SMYD3: variants seen among roughly 807,000 people sequenced by gnomAD.
SMYD3 encodes the protein SET and MYND domain containing 3, also known as histone-lysine N-methyltransferase SMYD3.
A neutral mutation model predicts 57.7 loss-of-function variants in SMYD3; 36 were observed. The ratio of observed to expected loss-of-function variants is 0.62; its 90% confidence interval spans 0.48 to 0.82. The LOEUF (loss-of-function observed/expected upper bound fraction) is 0.82. Ranked by LOEUF, SMYD3 falls within the 40% of genes least tolerant of loss-of-function variation. SMYD3 has a pLI of 0.00. For synonymous variants in SMYD3, 211 were observed against 195.0 expected, an observed-to-expected ratio of 1.08 and a Z score of -0.68; for missense variants, 515 against 538.8, an observed-to-expected ratio of 0.96 and a Z score of 0.44.
intron 5 of SMYD3, chr1:246,326,719 G>GC (rs1157096887): frequency 3.6e-6 from 1 of 279,320 alleles, no homozygotes; most frequent in Non-Finnish European, 6.6e-6. Context: ...AGCCGAGATC[G>GC]CACCACTACA....
intron 1 of SMYD3, 65 bp downstream of exon 1, chr1:246,506,989 G>GCCCC (rs1182642267): frequency 6.5e-5 from 42 of 650,530 alleles, no homozygotes; most frequent in African/African-American, 9.5e-5. Context: ...GCCGCCCGAC[G>GCCCC]CCCCCCCCTC....
chr1:245,964,598 T>G (rs1042241237), intron 5 of SMYD3, among the ~76,000 whole-genome samples: 1 of 152,004 alleles, frequency 6.6e-6, no homozygotes, highest in African/African-American at 2.4e-5. Flanking sequence ...AAAAAGGACA[T>G]GAAAGAACAG....
intron 11 of SMYD3, among the ~76,000 whole-genome samples, chr1:245,759,331 C>T (rs112314995): frequency 1.1e-4 from 16 of 152,062 alleles, no homozygotes; most frequent in African/African-American, 1.9e-4. Flanking sequence ...CCTCCCCACA[C>T]GGTAACGTAT....
chr1:246,387,714 A>T (rs1425050092), intron 1 of SMYD3, among the ~76,000 whole-genome samples: 1 of 152,252 alleles, frequency 6.6e-6, no homozygotes, highest in Admixed American at 6.5e-5. Flanking sequence ...ACTTCTAGTT[A>T]CAGCTATGTG....
At chr1:245,963,685 A>C (rs1368243964) in intron 5 of SMYD3, among the ~76,000 whole-genome samples, 1 of 152,200 alleles carries the variant, frequency 6.6e-6, no homozygotes, top group Admixed American at 6.5e-5. Flanking sequence ...AAAAGAAAAA[A>C]ACACCAGAGA....
chr1:246,208,005 T>A (rs561336934), intron 5 of SMYD3, among the ~76,000 whole-genome samples: 55 of 152,212 alleles, frequency 3.6e-4, no homozygotes, highest in Non-Finnish European at 5.9e-4. Context: ...AAAATTTTTT[T>A]AAAAATGAAG....
chr1:246,131,340 T>C (rs2061583820), intron 5 of SMYD3, among the ~76,000 whole-genome samples: 1 of 152,112 alleles, frequency 6.6e-6, no homozygotes, highest in African/African-American at 2.4e-5. Flanking sequence ...GTTTGCTAAA[T>C]GAAAGAATGA....
chr1:245,911,360 T>C lies in SMYD3; in HGVS notation c.813+4170A>G, dbSNP rs79785674. On this transcript the variant is annotated intron_variant, in intron 8 of 11. Transcript: ENST00000490107. ...ACCATATAACCAAACAATCCAAACG[T>C]TGGATATAGATCCAAAAGAAAGGAA... is the stretch of plus-strand genomic sequence containing the variant. 3.9e-5 allele frequency among the ~76,000 whole-genome samples: 6 copies of C among 151,944 alleles called. No homozygotes were observed. In the East Asian group the frequency reaches 5.8e-4, roughly 15 times the overall value.
intron 10 of SMYD3, among the ~76,000 whole-genome samples, chr1:245,765,557 G>T (rs2046051976): frequency 6.6e-6 from 1 of 152,134 alleles, no homozygotes; most frequent in Non-Finnish European, 1.5e-5. Context: ...GAATTGAACT[G>T]AGAAAATGAT....
intron 10 of SMYD3, among the ~76,000 whole-genome samples, chr1:245,770,097 T>C (rs1467712259): frequency 3.9e-5 from 6 of 152,244 alleles, no homozygotes; most frequent in Non-Finnish European, 8.8e-5. Context: ...TATCTGCTGC[T>C]GAAAACACGA....
At chr1:245,773,863 A>G (rs1430702964) in intron 10 of SMYD3, among the ~76,000 whole-genome samples, 1 of 152,234 alleles carries the variant, frequency 6.6e-6, no homozygotes, top group Non-Finnish European at 1.5e-5. Flanking sequence ...TACACACTCA[A>G]GCCCTCCAAA....
intron 9 of SMYD3, among the ~76,000 whole-genome samples, chr1:245,860,005 G>A (rs2051450131): frequency 6.6e-6 from 1 of 152,224 alleles, no homozygotes; most frequent in Admixed American, 6.5e-5. Flanking sequence ...AGGTGTCAGA[G>A]ACACAGTGGG....
At chr1:246,031,137 A>C (rs550358155) in intron 5 of SMYD3, among the ~76,000 whole-genome samples, 36 of 152,274 alleles carry the variant, frequency 2.4e-4, no homozygotes, top group African/African-American at 8.4e-4. Flanking sequence ...TAGACCTTTT[A>C]TCTGTATGTT....
intron 5 of SMYD3, among the ~76,000 whole-genome samples, chr1:245,961,428 A>C (rs1019913886): frequency 5.3e-5 from 8 of 152,086 alleles, no homozygotes; most frequent in African/African-American, 1.9e-4. Context: ...CTTTCACCCT[A>C]AAATATCAGC....
chr1:246,128,837 C>T (rs907899482), intron 5 of SMYD3, among the ~76,000 whole-genome samples: 3 of 152,182 alleles, frequency 2.0e-5, no homozygotes, highest in South Asian at 4.2e-4. Flanking sequence ...GGGTCTCACT[C>T]TGTTGCCCAG....
At chr1:246,031,880 T>G (rs185218886) in intron 5 of SMYD3, among the ~76,000 whole-genome samples, 25 of 152,248 alleles carry the variant, frequency 1.6e-4, no homozygotes, top group African/African-American at 5.1e-4. Flanking sequence ...AGAAACAATA[T>G]TTAGGCTGTA....
chr1:245,982,396 G>C (rs979832705), intron 5 of SMYD3, among the ~76,000 whole-genome samples: 1 of 152,056 alleles, frequency 6.6e-6, no homozygotes, highest in Non-Finnish European at 1.5e-5. Flanking sequence ...CAAAGTGCTG[G>C]GATTACAGAT....
chr1:246,011,246 C>A (rs2059276324), intron 5 of SMYD3, among the ~76,000 whole-genome samples: 1 of 152,150 alleles, frequency 6.6e-6, no homozygotes, highest in African/African-American at 2.4e-5. Context: ...GAAAAACACT[C>A]CTCAAACACC....
intron 5 of SMYD3, among the ~76,000 whole-genome samples, chr1:246,247,935 T>C (rs529004875): frequency 6.6e-6 from 1 of 152,316 alleles, no homozygotes; most frequent in South Asian, 2.1e-4. Context: ...TAAGTTTTCA[T>C]GAGTGATGAG....
Sources: gnomAD v4.1 joint callset for allele counts (sites outside exome capture counted in the v4.1 genomes callset) on GRCh38, gnomAD v4.1.1 for gene constraint, MANE v1.5 for transcripts, NCBI Gene and HGNC (gene_info 2026-07-23, HGNC 2026-07-21) for gene names.